The following CACNA2D3 variants were observed in gnomAD, a reference collection of about 807,000 sequenced individuals.
CACNA2D3 encodes the protein voltage-dependent calcium channel subunit alpha-2/delta-3.
Under a neutral mutation model 160.6 loss-of-function variants are expected in CACNA2D3, and 60 were observed. The observed-to-expected ratio is 0.37, with a 90% CI of 0.30 to 0.46. The LOEUF (loss-of-function observed/expected upper bound fraction) is 0.46, where lower values mean the gene tolerates loss of function less well. Among genes scored for constraint, CACNA2D3 ranks in the 20% least tolerant of loss-of-function variants. The pLI, the probability that CACNA2D3 is intolerant of heterozygous loss-of-function variation, is 1.00. For missense variants in CACNA2D3, 1,205 were observed against 1,365.0 expected (o/e 0.88, Z 1.85); for synonymous variants, 558 against 492.9 (o/e 1.13, Z -1.75).
rs769383788 is a variant in CACNA2D3 at position 55,073,517 on chromosome 3, A to C, written c.3060A>C (p.Glu1020Asp). The C allele has an allele frequency of 6.2e-7, 1 of 1,613,856 alleles. No individual in the cohort carries two copies. Among genetic ancestry groups the C allele is most frequent in the East Asian group, 2.2e-5 (1 of 44,874 alleles). ...TGGTGGACAGCAGCTGCCTCTGTGAATCTGTGGCCCCCATCACCATGGCAC... is the reference window on the plus strand; with the variant it reads ...TGGTGGACAGCAGCTGCCTCTGTGACTCTGTGGCCCCCATCACCATGGCAC... ...MVVVDSSCLCESVAPITMAPI... is the reference protein window; with the variant it reads ...MVVVDSSCLCDSVAPITMAPI... Residue 1020 changes from glutamate (E) to aspartate (D), a missense_variant, in exon 36 of 38, where the codon GAA (glutamate) becomes GAC (aspartate). Around this residue, in one of 3 missense-constraint regions of CACNA2D3, gnomAD observed 911 missense variants for 1,002.2 expected, o/e 0.91. Transcript: ENST00000474759.
chr3:54,969,224 A>G (rs935151076), intron 28 of CACNA2D3, among the ~76,000 whole-genome samples: 1 of 152,102 alleles, frequency 6.6e-6, no homozygotes, highest in African/African-American at 2.4e-5. Context: ...GAGATCTTAA[A>G]AAGATATCAT....
chr3:55,008,220 G>A (rs933548362), intron 33 of CACNA2D3, among the ~76,000 whole-genome samples: 1 of 152,214 alleles, frequency 6.6e-6, no homozygotes, highest in Non-Finnish European at 1.5e-5. Flanking sequence ...GTCTTGGCCT[G>A]TGCAGGAATG....
At chr3:54,398,146 C>CT (rs1025401358) in intron 4 of CACNA2D3, among the ~76,000 whole-genome samples, 1 of 117,468 alleles carries the variant, frequency 8.5e-6, no homozygotes, top group African/African-American at 3.2e-5. Context: ...CAACCCCTGC[C>CT]TTTTTTTGTT....
chr3:54,538,880 C>T (rs892035418), intron 5 of CACNA2D3, among the ~76,000 whole-genome samples: 2 of 152,046 alleles, frequency 1.3e-5, no homozygotes, highest in Non-Finnish European at 2.9e-5. Context: ...AAATGTGGCC[C>T]CAGTAATTTA....
intron 4 of CACNA2D3, among the ~76,000 whole-genome samples, chr3:54,401,477 AAG>A (rs1487619801): frequency 2.1e-4 from 32 of 152,342 alleles, no homozygotes; most frequent in African/African-American, 7.7e-4. Context: ...GTCAATGACA[AAG>A]AGATAATTTT....
At chr3:54,967,900 C>T (rs576012495) in intron 27 of CACNA2D3, among the ~76,000 whole-genome samples, 37 of 152,222 alleles carry the variant, frequency 2.4e-4, no homozygotes, top group African/African-American at 7.9e-4. Context: ...CATAATTTTA[C>T]CAGAGTTCCA....
chr3:54,619,919 T>A (rs1213196282), intron 9 of CACNA2D3, among the ~76,000 whole-genome samples: 1 of 151,950 alleles, frequency 6.6e-6, no homozygotes, highest in Non-Finnish European at 1.5e-5. Flanking sequence ...CAGGTTGAGG[T>A]TAGGGTTGGG....
chr3:54,813,721 T>C (rs995665172), intron 13 of CACNA2D3, among the ~76,000 whole-genome samples: 1 of 152,118 alleles, frequency 6.6e-6, no homozygotes, highest in Admixed American at 6.5e-5. Flanking sequence ...TCATGGAGTT[T>C]GTGACCTAGC....
chr3:54,944,731 A>G (rs1701568270), intron 27 of CACNA2D3, among the ~76,000 whole-genome samples: 1 of 151,982 alleles, frequency 6.6e-6, no homozygotes, highest in Non-Finnish European at 1.5e-5. Flanking sequence ...TCCAAGAGTT[A>G]TTTTTTATAG....
intron 18 of CACNA2D3, among the ~76,000 whole-genome samples, chr3:54,872,316 G>A (rs1699553367): frequency 6.6e-6 from 1 of 152,158 alleles, no homozygotes; most frequent in Non-Finnish European, 1.5e-5. Flanking sequence ...CTGCCTTTGT[G>A]TGAATCCAGG....
chr3:54,634,262 C>T (rs1699310459), intron 10 of CACNA2D3, among the ~76,000 whole-genome samples: 1 of 152,186 alleles, frequency 6.6e-6, no homozygotes, highest in African/African-American at 2.4e-5. Context: ...TTGCACTTAA[C>T]GTTTGCCCTT....
intron 11 of CACNA2D3, among the ~76,000 whole-genome samples, chr3:54,689,482 G>T (rs1700532570): frequency 6.6e-6 from 1 of 152,002 alleles, no homozygotes; most frequent in Non-Finnish European, 1.5e-5. Context: ...TTGCCTCCCT[G>T]CATCTCTGCC....
At chr3:54,518,569 A>C (rs1184379622) in intron 5 of CACNA2D3, among the ~76,000 whole-genome samples, 1 of 152,142 alleles carries the variant, frequency 6.6e-6, no homozygotes. Flanking sequence ...CACCCGACTC[A>C]TTGTTTTTGT....
chr3:54,736,926 A>C (rs1449626135), intron 11 of CACNA2D3, among the ~76,000 whole-genome samples: 1 of 152,198 alleles, frequency 6.6e-6, no homozygotes. Context: ...ACCTCAATGC[A>C]GTCGTATCAT....
At chr3:54,601,225 A>C (rs2106773187) in intron 9 of CACNA2D3, among the ~76,000 whole-genome samples, 1 of 152,238 alleles carries the variant, frequency 6.6e-6, no homozygotes, top group East Asian at 1.9e-4. Flanking sequence ...CTTTGTAGAG[A>C]CAGTATCTCA....
chr3:54,607,554 TACTG>T (rs1419669478), intron 9 of CACNA2D3, among the ~76,000 whole-genome samples: 4 of 152,076 alleles, frequency 2.6e-5, no homozygotes, highest in Admixed American at 2.6e-4. Flanking sequence ...TAAAAAAAAA[TACTG>T]ACAATACTAA....
At chr3:54,843,999 G>C (rs1280565089) in intron 16 of CACNA2D3, among the ~76,000 whole-genome samples, 3 of 152,138 alleles carry the variant, frequency 2.0e-5, no homozygotes, top group South Asian at 2.1e-4. Flanking sequence ...GCCACTGAAG[G>C]GGGAGACTGA....
At chr3:54,407,973 A>G (rs1408727065) in intron 4 of CACNA2D3, among the ~76,000 whole-genome samples, 1 of 152,146 alleles carries the variant, frequency 6.6e-6, no homozygotes, top group Non-Finnish European at 1.5e-5. Context: ...CATTCAGCCA[A>G]TAGTTGTTAA....
At chr3:54,824,673 C>T (rs528535087) in intron 14 of CACNA2D3, among the ~76,000 whole-genome samples, 4 of 152,048 alleles carry the variant, frequency 2.6e-5, no homozygotes, top group African/African-American at 7.2e-5. Flanking sequence ...TCCTGAGCCT[C>T]GGTTTTTCTT....
Sources: allele counts gnomAD v4.1 joint callset (sites outside exome capture counted in the v4.1 genomes callset), GRCh38; gene constraint gnomAD v4.1.1; regional missense constraint gnomAD v4.1.1; transcripts MANE v1.5; gene names NCBI Gene and HGNC (gene_info 2026-07-23, HGNC 2026-07-21).